Variants in GALNTL6 observed in about 807,000 individuals in gnomAD.
The protein encoded by GALNTL6 is polypeptide N-acetylgalactosaminyltransferase like 6, also known as polypeptide N-acetylgalactosaminyltransferase-like 6.
In GALNTL6, 46 loss-of-function variants were observed where a neutral mutation model predicts 73.7. The ratio of observed to expected loss-of-function variants is 0.62; its 90% CI spans 0.49 to 0.80. The LOEUF is 0.80. Among genes scored for constraint, GALNTL6 ranks in the 30% least tolerant of loss-of-function variants. The pLI, the probability that GALNTL6 is intolerant of heterozygous loss-of-function variation, is 0.00. For synonymous variants in GALNTL6, 259 were observed against 263.7 expected, an observed-to-expected ratio of 0.98 and a Z score of 0.17; for missense variants, 604 against 755.0, an observed-to-expected ratio of 0.80 and a Z score of 2.34.
chr4:172,931,367 G>C, intron 9 of GALNTL6, 99 bp downstream of exon 9: 1 of 765,282 alleles, frequency 1.3e-6, no homozygotes, highest in Non-Finnish European at 2.4e-6. Context: ...AAGCTCTCCA[G>C]TGTACAGAGA....
chr4:172,181,669 G>T (rs1206706886), intron 2 of GALNTL6, among the ~76,000 whole-genome samples: 2 of 151,066 alleles, frequency 1.3e-5, no homozygotes, highest in Admixed American at 1.3e-4. Flanking sequence ...GTTTTCAGAT[G>T]ACATGATTGT....
chr4:172,524,652 G>A (rs1459273852), intron 5 of GALNTL6, among the ~76,000 whole-genome samples: 1 of 152,010 alleles, frequency 6.6e-6, no homozygotes, highest in Non-Finnish European at 1.5e-5. Context: ...TTTCTTCATG[G>A]GAATCATTAC....
rs60870698 is a variant in GALNTL6, at chr4:172,831,157, C to CAAAAAAAAAAA, written c.923+17457_923+17467dup. 1.7e-3 allele frequency among the ~76,000 whole-genome samples: 111 copies of CAAAAAAAAAAA among 63,902 alleles called. 1 individual carries two copies. Among genetic ancestry groups the CAAAAAAAAAAA allele is most frequent in the Non-Finnish European group, 2.5e-3 (89 of 35,600 alleles). 41.9% of individuals were successfully genotyped at this position (63,902 alleles called of 152,430 possible). ...TGGGTGACAGAATGAGACTCCCTCT[C>CAAAAAAAAAAA]AAAAAAAAAAAAAAAAAAAAAAAAA... On this transcript the variant is annotated intron_variant, in intron 7 of 12. Coordinates refer to ENST00000506823, the MANE Select transcript of GALNTL6 (RefSeq NM_001034845.3).
chr4:172,447,218 TTCAC>T (rs1732054456), intron 5 of GALNTL6, among the ~76,000 whole-genome samples: 1 of 152,136 alleles, frequency 6.6e-6, no homozygotes, highest in African/African-American at 2.4e-5. Flanking sequence ...GAGACACTAT[TTCAC>T]AGAAATGTTC....
rs1000317666 is a variant in GALNTL6 at position 172,068,651 on chromosome 4, A to C, written c.139-161005A>C. Among the ~76,000 whole-genome samples the C allele has an allele frequency of 5.5e-5, 6 of 109,512 alleles. 1 individual carries two copies. The highest frequency in any genetic ancestry group is 1.7e-4 in the African/African-American group (5 of 29,028). 71.8% of individuals were successfully genotyped at this position (109,512 alleles called of 152,430 possible). A position where few individuals can be genotyped will look rare whatever the true frequency, so the allele number is the denominator to read the frequency against. ...CCATCACTCTAGTTTGTTCTTTTTT[A>C]CACATTAATAGACACAATGTGAATC... On this transcript the variant is annotated intron_variant, in intron 2 of 12. Transcript: ENST00000506823.
intron 2 of GALNTL6, among the ~76,000 whole-genome samples, chr4:171,896,307 A>G (rs1736912130): frequency 6.6e-6 from 1 of 152,176 alleles, no homozygotes; most frequent in African/African-American, 2.4e-5. Flanking sequence ...ATTGTCTTGT[A>G]AACATTTATA....
intron 11 of GALNTL6, among the ~76,000 whole-genome samples, chr4:173,016,067 A>C (rs546189564): frequency 6.6e-6 from 1 of 152,302 alleles, no homozygotes; most frequent in Non-Finnish European, 1.5e-5. Context: ...CCTTCCATGT[A>C]GTGTTGGGCC....
At chr4:172,917,885 G>T (rs890144784) in intron 8 of GALNTL6, among the ~76,000 whole-genome samples, 8 of 152,100 alleles carry the variant, frequency 5.3e-5, no homozygotes, top group African/African-American at 1.9e-4. Flanking sequence ...TTGACCCAGT[G>T]ATCCCATTAC....
At chr4:172,236,486 G>T (rs1003177939) in intron 3 of GALNTL6, among the ~76,000 whole-genome samples, 3 of 151,298 alleles carry the variant, frequency 2.0e-5, no homozygotes, top group Non-Finnish European at 2.9e-5. Context: ...CATGAACCCG[G>T]GAGGCAGGGC....
Position 172,336,275 on chromosome 4 carries a change from G to GT in GALNTL6, c.387-12233dup, listed in dbSNP as rs200566896. Among the ~76,000 whole-genome samples the GT allele has an allele frequency of 4.1e-4, 52 of 126,022 alleles. 6 individuals are homozygous for GT. Among genetic ancestry groups the GT allele is most frequent in the Admixed American group, 1.3e-3 (14 of 11,040 alleles). 82.7% of individuals were successfully genotyped at this position (126,022 alleles called of 152,430 possible). ...ACTCTTCTTGGTATAGTTTTGTTTT[G>GT]TTTTTTTTTTTTTTTGACTGAGTCT... On this transcript the variant is annotated intron_variant, in intron 4 of 12. Coordinates refer to ENST00000506823, the MANE Select transcript of GALNTL6 (RefSeq NM_001034845.3).
At chr4:172,666,701 G>A (rs1407551942) in intron 5 of GALNTL6, 1 of 152,096 alleles carries the variant, frequency 6.6e-6, no homozygotes, top group Non-Finnish European at 1.5e-5. Context: ...AGTTTACTAT[G>A]GCACACATAT....
chr4:172,096,824 T>C (rs1446029365), intron 2 of GALNTL6, among the ~76,000 whole-genome samples: 1 of 152,188 alleles, frequency 6.6e-6, no homozygotes, highest in Non-Finnish European at 1.5e-5. Flanking sequence ...TAGCTTCATA[T>C]CCTAATTATC....
intron 10 of GALNTL6, among the ~76,000 whole-genome samples, chr4:172,993,871 G>A (rs1751653579): frequency 6.6e-6 from 1 of 152,110 alleles, no homozygotes; most frequent in Non-Finnish European, 1.5e-5. Flanking sequence ...GCAGTGAGCC[G>A]AGATTGTGCC....
chr4:172,990,966 T>A (rs1335715114), intron 10 of GALNTL6, among the ~76,000 whole-genome samples: 2 of 152,298 alleles, frequency 1.3e-5, no homozygotes, highest in African/African-American at 4.8e-5. Flanking sequence ...GCTGAATATG[T>A]CCCTTTTTGG....
intron 5 of GALNTL6, among the ~76,000 whole-genome samples, chr4:172,493,517 G>A (rs1019653312): frequency 6.6e-6 from 1 of 152,078 alleles, no homozygotes; most frequent in African/African-American, 2.4e-5. Flanking sequence ...TGCTAACTCA[G>A]GATAACCAAT....
intron 3 of GALNTL6, among the ~76,000 whole-genome samples, chr4:172,280,403 T>A (rs545236241): frequency 6.6e-6 from 1 of 152,150 alleles, no homozygotes; most frequent in South Asian, 2.1e-4. Flanking sequence ...CTCTTTAGGA[T>A]CTCCTTTTCT....
chr4:172,971,462 G>C (rs1359125801), intron 10 of GALNTL6, among the ~76,000 whole-genome samples: 1 of 152,286 alleles, frequency 6.6e-6, no homozygotes, highest in East Asian at 1.9e-4. Flanking sequence ...ATTGGCTACA[G>C]GATGGAGGAA....
chr4:172,631,425 G>A (rs535969801), intron 5 of GALNTL6, among the ~76,000 whole-genome samples: 6 of 152,212 alleles, frequency 3.9e-5, no homozygotes, highest in South Asian at 4.1e-4. Flanking sequence ...GATTACAGGC[G>A]TGAGCCACTG....
chr4:172,667,504 C>T (rs1264213243), intron 5 of GALNTL6: 1 of 152,186 alleles, frequency 6.6e-6, no homozygotes. Flanking sequence ...CTTCCAGGCT[C>T]ATTCATGTTG....
Sources: gnomAD v4.1 joint callset for allele counts (sites outside exome capture counted in the v4.1 genomes callset) on GRCh38, gnomAD v4.1.1 for gene constraint, MANE v1.5 for transcripts, NCBI Gene and HGNC (gene_info 2026-07-23, HGNC 2026-07-21) for gene names.